The following ZBTB40 variants were observed in gnomAD, a reference collection of about 807,000 sequenced individuals.
The protein encoded by ZBTB40 is zinc finger and BTB domain-containing protein 40.
A neutral mutation model predicts 117.5 loss-of-function variants in ZBTB40; 60 were observed. That is an observed-to-expected ratio of 0.51 (90% CI 0.41 to 0.63). ZBTB40 has a LOEUF of 0.63. Among genes scored for constraint, ZBTB40 ranks in the 30% least tolerant of loss-of-function variants. The probability of loss-of-function intolerance (pLI) is 0.00; values close to 1 mark genes in which losing one functional copy is unlikely to be tolerated. For synonymous variants in ZBTB40, 525 were observed against 577.1 expected, an observed-to-expected ratio of 0.91 and a Z score of 1.29; for missense variants, 1,287 against 1,498.5, an observed-to-expected ratio of 0.86 and a Z score of 2.33.
At chr1:22,457,287 A>G (rs988054832) in intron 1 of ZBTB40, among the ~76,000 whole-genome samples, 2 of 152,210 alleles carry the variant, frequency 1.3e-5, no homozygotes, top group Non-Finnish European at 2.9e-5. Context: ...CTATCTCAGA[A>G]TTTAACTAAT....
At chr1:22,495,244 G>A (rs1411413538) in intron 3 of ZBTB40, among the ~76,000 whole-genome samples, 1 of 152,176 alleles carries the variant, frequency 6.6e-6, no homozygotes, top group East Asian at 1.9e-4. Context: ...CCTGAACAGC[G>A]ATTGCAGCAA....
intron 15 of ZBTB40, 138 bp from the exon 16 acceptor site, chr1:22,522,239 A>T: frequency 1.2e-6 from 1 of 807,936 alleles, no homozygotes; most frequent in Non-Finnish European, 2.2e-6. Context: ...AATATACCAT[A>T]GGTTATAAGA....
At chr1:22,442,388 G>A (rs1640743286) in intron 1 of ZBTB40, among the ~76,000 whole-genome samples, 1 of 152,080 alleles carries the variant, frequency 6.6e-6, no homozygotes, top group Non-Finnish European at 1.5e-5. Flanking sequence ...GCAGCCCTGA[G>A]CTTACAAAAT....
chr1:22,476,705 T>C (rs979278477), intron 1 of ZBTB40, among the ~76,000 whole-genome samples: 1 of 152,248 alleles, frequency 6.6e-6, no homozygotes, highest in Non-Finnish European at 1.5e-5. Flanking sequence ...ATCTTTATTC[T>C]ATATCAGTAT....
chr1:22,507,355 A>G (rs116351139), intron 6 of ZBTB40, among the ~76,000 whole-genome samples: 1,815 of 152,320 alleles, frequency 0.012, 31 homozygotes, highest in Non-Finnish European at 0.019. Context: ...CACTGTCATC[A>G]TCGGCAAAGA....
rs79943777 is a variant in ZBTB40, at chr1:22,459,465, T to C, written c.-70+7461T>C. Reference sequence around the variant, plus strand: ...CTCAACAGTACTTATTAAAAACTTTTTTCTTCACTGATTTGAGATGCTGTC... The same window carrying C: ...CTCAACAGTACTTATTAAAAACTTTCTTCTTCACTGATTTGAGATGCTGTC... On this transcript the variant is annotated intron_variant, in intron 1 of 17. Transcript: ENST00000375647. 4.1e-3 allele frequency among the ~76,000 whole-genome samples: 625 copies of C among 152,344 alleles called. 12 individuals carry two copies. The East Asian group carries it at 0.07, about 17-fold the overall frequency.
At chr1:22,472,603 G>A (rs1004917540) in intron 1 of ZBTB40, among the ~76,000 whole-genome samples, 66 of 152,354 alleles carry the variant, frequency 4.3e-4, no homozygotes, top group Non-Finnish European at 2.2e-4. Context: ...AAGTAGAGGT[G>A]TTTGATTCTG....
At chr1:22,472,981 G>C (rs901811299) in intron 1 of ZBTB40, among the ~76,000 whole-genome samples, 2 of 152,236 alleles carry the variant, frequency 1.3e-5, no homozygotes, top group South Asian at 2.1e-4. Context: ...TTTATTCCCA[G>C]AGATACTTTG....
At chr1:22,435,181 T>C (rs574288609) in intron 1 of ZBTB40, among the ~76,000 whole-genome samples, 1 of 152,122 alleles carries the variant, frequency 6.6e-6, no homozygotes, top group South Asian at 2.1e-4. Context: ...TTGTATTTTT[T>C]ATAGAGATTG....
Position 22,490,585 on chromosome 1 carries a change from T to C in ZBTB40, c.637T>C (p.Cys213Arg), listed in dbSNP as rs758761345. 1.9e-6 allele frequency: 3 copies of C among 1,614,084 alleles called. No homozygotes were observed. The South Asian group carries it at 3.3e-5, about 18-fold the overall frequency. ...PAETPTTAEACSPSPAVQTFS... is the reference protein window; with the variant it reads ...PAETPTTAEARSPSPAVQTFS... ...GGAGACTCCTACTACAGCTGAAGCT[T>C]GTTCCCCCTCCCCTGCTGTGCAAAC... Residue 213 changes from cysteine (C) to arginine (R), a missense_variant, in exon 2 of 18, where the codon TGT becomes CGT. Transcript: ENST00000375647.
In ZBTB40 at chr1:22,489,940, G is replaced by T. The variant is rs777503725; in HGVS notation, c.-9G>T. On this transcript the variant is annotated 5_prime_UTR_variant, in exon 2 of 18. Transcript: ENST00000375647. ...GAGGAAGAGCAGTTCTTGGGGCAGAGTTGACGCAATGGAGCTCCCCAACTA... is the reference window on the plus strand; with the variant it reads ...GAGGAAGAGCAGTTCTTGGGGCAGATTTGACGCAATGGAGCTCCCCAACTA... The T allele has an allele frequency of 1.9e-6, 3 of 1,609,252 alleles. No homozygotes were observed. Among genetic ancestry groups the T allele is most frequent in the East Asian group, 2.2e-5 (1 of 44,868 alleles).
rs182939277 is a variant in ZBTB40 at position 22,512,026 on chromosome 1, C to A, written c.2353C>A (p.Gln785Lys). 2 of 1,614,148 alleles carry A rather than the reference C, an allele frequency of 1.2e-6. No homozygotes were observed. Among genetic ancestry groups the A allele is most frequent in the East Asian group, 4.5e-5 (2 of 44,884 alleles). Residue 785 changes from glutamine (Q) to lysine (K), a missense_variant, in exon 11 of 18, where the codon CAG (glutamine) becomes AAG (lysine). Physicochemically the swap from Gln to Lys is moderately conservative, Grantham distance 53. This residue lies in a region of ZBTB40 where 870 missense variants were observed against 934.4 expected (regional missense o/e 0.93). Coordinates refer to ENST00000375647, the MANE Select transcript of ZBTB40 (RefSeq NM_014870.4). ...TTCAAAGAAAGAGCTGGACAAACAT[C>A]AGCTGGAGGCCCATGGTGCAGGTGG... ...KDSKKELDKHQLEAHGAGGEP... is the reference protein window; with the variant it reads ...KDSKKELDKHKLEAHGAGGEP...
chr1:22,497,689 G>A (rs1638816076), intron 3 of ZBTB40, among the ~76,000 whole-genome samples: 1 of 152,198 alleles, frequency 6.6e-6, no homozygotes, highest in East Asian at 1.9e-4. Context: ...ATTCTGGTAA[G>A]TCTAATAGAA....
In ZBTB40 at chr1:22,521,477, C is replaced by G. The variant is rs751054160; in HGVS notation, c.3049-19C>G. 2 of 1,614,224 alleles carry G rather than the reference C, an allele frequency of 1.2e-6. No individual in the cohort carries two copies. The highest frequency in any genetic ancestry group is 1.7e-6 in the Non-Finnish European group (2 of 1,180,036). ...TGCTGGAACTTTCTAAGACCTAACACTTGCCAAATTCCTTGCAGCAATTGT... is the reference window on the plus strand; with the variant it reads ...TGCTGGAACTTTCTAAGACCTAACAGTTGCCAAATTCCTTGCAGCAATTGT... On this transcript the variant is annotated intron_variant, in intron 14 of 17. Coordinates refer to ENST00000375647, the MANE Select transcript of ZBTB40 (RefSeq NM_014870.4).
intron 1 of ZBTB40, among the ~76,000 whole-genome samples, chr1:22,477,708 C>G (rs569482865): frequency 6.6e-6 from 1 of 151,566 alleles, no homozygotes; most frequent in East Asian, 1.9e-4. Flanking sequence ...GAAATAAGTC[C>G]AAATATATTA....
chr1:22,487,317 T>C (rs1638498510), intron 1 of ZBTB40, among the ~76,000 whole-genome samples: 2 of 152,224 alleles, frequency 1.3e-5, no homozygotes, highest in Non-Finnish European at 2.9e-5. Flanking sequence ...GAATCATCCA[T>C]AATCCTCTAA....
At chr1:22,486,885 C>T (rs1012011083) in intron 1 of ZBTB40, among the ~76,000 whole-genome samples, 1 of 152,092 alleles carries the variant, frequency 6.6e-6, no homozygotes, top group South Asian at 2.1e-4. Context: ...CAGGTGCCCG[C>T]CACCATGCCT....
chr1:22,511,617 T>C, intron 10 of ZBTB40, 59 bp from the exon 11 acceptor site: 2 of 1,576,634 alleles, frequency 1.3e-6, no homozygotes, highest in South Asian at 2.3e-5. Context: ...GTTAGAAACG[T>C]TATAAAGCAA....
intron 1 of ZBTB40, among the ~76,000 whole-genome samples, chr1:22,431,936 G>A (rs1425273841): frequency 6.6e-6 from 1 of 151,484 alleles, no homozygotes; most frequent in East Asian, 1.9e-4. Context: ...CTCCCGCCTG[G>A]TTTCCATTTG....
Sources: gnomAD v4.1 joint callset for allele counts (sites outside exome capture counted in the v4.1 genomes callset) on GRCh38, gnomAD v4.1.1 for gene constraint, gnomAD v4.1.1 regional missense constraint, MANE v1.5 for transcripts, NCBI Gene and HGNC (gene_info 2026-07-23, HGNC 2026-07-21) for gene names.